The following CFAP221 variants were observed in gnomAD, a reference collection of about 807,000 sequenced individuals.
The protein encoded by CFAP221 is cilia- and flagella-associated protein 221.
In CFAP221, 97 loss-of-function variants were observed where a neutral mutation model predicts 113.1. That is an observed-to-expected ratio of 0.86 (90% CI 0.73 to 1.02). The LOEUF is 1.02. Ranked by LOEUF, CFAP221 falls within the 50% of genes least tolerant of loss-of-function variation. The pLI, the probability that CFAP221 is intolerant of heterozygous loss-of-function variation, is 0.00. For synonymous variants in CFAP221, 331 were observed against 354.4 expected, an observed-to-expected ratio of 0.93 and a Z score of 0.74; for missense variants, 1,025 against 1,013.4, an observed-to-expected ratio of 1.01 and a Z score of -0.16.
chr2:119,562,405 C>T (rs1681319661), intron 6 of CFAP221, among the ~76,000 whole-genome samples: 1 of 152,122 alleles, frequency 6.6e-6, no homozygotes, highest in African/African-American at 2.4e-5. Flanking sequence ...TTGCAGGAGC[C>T]TGACTCTCCC....
chr2:119,647,142 G>A, intron 22 of CFAP221, 92 bp downstream of exon 22: 1 of 933,626 alleles, frequency 1.1e-6, no homozygotes, highest in South Asian at 1.5e-5. Context: ...ATAGCACACA[G>A]TTCCTGAGCT....
intron 6 of CFAP221, among the ~76,000 whole-genome samples, chr2:119,571,336 C>T (rs1200963549): frequency 6.6e-6 from 1 of 151,880 alleles, no homozygotes; most frequent in Non-Finnish European, 1.5e-5. Context: ...GACGGGGTTT[C>T]GCCCTGTTGG....
chr2:119,644,288 C>G (rs1687669432), intron 21 of CFAP221, among the ~76,000 whole-genome samples: 1 of 152,140 alleles, frequency 6.6e-6, no homozygotes, highest in Non-Finnish European at 1.5e-5. Flanking sequence ...GTGAGAGGAA[C>G]TGGTCTCAGA....
intron 3 of CFAP221, among the ~76,000 whole-genome samples, chr2:119,558,576 C>G (rs952236800): frequency 2.0e-5 from 3 of 152,098 alleles, no homozygotes; most frequent in Non-Finnish European, 4.4e-5. Context: ...CCAGCACTTT[C>G]AGAGGCCAAC....
intron 23 of CFAP221, among the ~76,000 whole-genome samples, chr2:119,653,651 A>G (rs1688260784): frequency 6.6e-6 from 1 of 152,230 alleles, no homozygotes; most frequent in South Asian, 2.1e-4. Context: ...TTTCAAACTT[A>G]TCAGACTGTT....
At chr2:119,557,780 C>G (rs1680919259) in intron 3 of CFAP221, among the ~76,000 whole-genome samples, 1 of 152,054 alleles carries the variant, frequency 6.6e-6, no homozygotes, top group Non-Finnish European at 1.5e-5. Flanking sequence ...GTGGGTGGAT[C>G]ATGAGGTCAG....
intron 6 of CFAP221, 29 bp downstream of exon 6, chr2:119,562,143 A>G: frequency 2.8e-6 from 4 of 1,439,186 alleles, no homozygotes; most frequent in Non-Finnish European, 3.8e-6. Context: ...AACAAAATGT[A>G]TAGGATGTGA....
intron 7 of CFAP221, among the ~76,000 whole-genome samples, chr2:119,593,790 A>T (rs1683759250): frequency 6.6e-6 from 1 of 151,840 alleles, no homozygotes; most frequent in Non-Finnish European, 1.5e-5. Flanking sequence ...GTGAGCTGAG[A>T]TGGCACCACT....
downstream of CFAP221, among the ~76,000 whole-genome samples, chr2:119,659,826 G>C (rs1253371244): frequency 2.0e-5 from 3 of 152,142 alleles, no homozygotes; most frequent in Non-Finnish European, 4.4e-5. Context: ...CTTGGCCCCT[G>C]TACTGACCTC....
chr2:119,617,556 G>A (rs1685613541), intron 14 of CFAP221, among the ~76,000 whole-genome samples: 1 of 152,236 alleles, frequency 6.6e-6, no homozygotes, highest in Admixed American at 6.5e-5. Context: ...CAGCAATGAT[G>A]GGCTTTGTTC....
intron 5 of CFAP221, among the ~76,000 whole-genome samples, chr2:119,560,402 A>T (rs1394467127): frequency 6.6e-6 from 1 of 152,202 alleles, no homozygotes; most frequent in Admixed American, 6.5e-5. Flanking sequence ...CCAAGTTATG[A>T]TTATAAACAC....
At position 119,630,619 on chromosome 2, in the gene CFAP221, A is replaced by G. The variant is rs1464571801; in HGVS notation, c.1781A>G (p.Lys594Arg). 3 of 1,614,060 alleles carry G rather than the reference A, an allele frequency of 1.9e-6. No individual in the cohort carries two copies. The highest frequency in any genetic ancestry group is 2.2e-5 in the East Asian group (1 of 44,894). The change falls in exon 18 of 24, where the codon AAG becomes AGG. Residue 594 changes from lysine (K) to arginine (R), a missense_variant. Lys to Arg is a conservative substitution (Grantham distance 26, BLOSUM62 2). Coordinates refer to ENST00000413369, the MANE Select transcript of CFAP221 (RefSeq NM_001271049.2). ...IKRYQPFSVH[K>R]SSTSYRPQKL... ...AGATATCAGCCATTCTCTGTCCACAAGTCTTCAACAAGTTACAGACCTCAA... is the reference window on the plus strand; with the variant it reads ...AGATATCAGCCATTCTCTGTCCACAGGTCTTCAACAAGTTACAGACCTCAA...
At chr2:119,597,124 G>A (rs1684037079) in intron 7 of CFAP221, among the ~76,000 whole-genome samples, 1 of 152,210 alleles carries the variant, frequency 6.6e-6, no homozygotes, top group Admixed American at 6.5e-5. Flanking sequence ...TAAGGATTGA[G>A]AAGGCCACAT....
chr2:119,596,662 GGAGGGAGAAA>G (rs1464455050), intron 7 of CFAP221, among the ~76,000 whole-genome samples: 1 of 152,242 alleles, frequency 6.6e-6, no homozygotes, highest in Non-Finnish European at 1.5e-5. Context: ...AAAGCTTGCG[GGAGGGAGAAA>G]GGAATAAAAG....
intron 19 of CFAP221, among the ~76,000 whole-genome samples, chr2:119,632,366 C>T (rs561421272): frequency 1.3e-5 from 2 of 152,282 alleles, no homozygotes; most frequent in East Asian, 3.9e-4. Flanking sequence ...ATTACAAACT[C>T]ACTGTAGTTT....
intron 14 of CFAP221, among the ~76,000 whole-genome samples, chr2:119,620,168 C>G (rs1685804411): frequency 6.6e-6 from 1 of 152,272 alleles, no homozygotes; most frequent in Middle Eastern, 3.4e-3. Context: ...AAACACTCTT[C>G]AGGATATTAT....
At chr2:119,555,299 C>T (rs897471069) in intron 3 of CFAP221, among the ~76,000 whole-genome samples, 1 of 152,046 alleles carries the variant, frequency 6.6e-6, no homozygotes. Context: ...AAGGTCAGCT[C>T]CCAGGGGAAC....
intron 22 of CFAP221, chr2:119,648,671 T>A (rs1687952574): frequency 6.4e-6 from 1 of 156,010 alleles, no homozygotes; most frequent in Non-Finnish European, 1.5e-5. Context: ...TAAGTCTCAC[T>A]TATAACTCAG....
rs144224165 is a variant in CFAP221, at chr2:119,592,207, T to G, written c.631+4985T>G. Among the ~76,000 whole-genome samples the G allele has an allele frequency of 2.5e-3, 386 of 152,304 alleles. 2 individuals carry two copies. The highest frequency in any genetic ancestry group is 8.9e-3 in the African/African-American group (370 of 41,548). On this transcript the variant is annotated intron_variant, in intron 7 of 23. Transcript: ENST00000413369. Reference sequence around the variant, plus strand: ...AAACTACAAGAAAACTTGGATCATATGATATGTAAAAATGATGTTACTTGA... The same window carrying G: ...AAACTACAAGAAAACTTGGATCATAGGATATGTAAAAATGATGTTACTTGA...
Sources: gnomAD v4.1 joint callset for allele counts (sites outside exome capture counted in the v4.1 genomes callset) on GRCh38, gnomAD v4.1.1 for gene constraint, MANE v1.5 for transcripts, NCBI Gene and HGNC (gene_info 2026-07-23, HGNC 2026-07-21) for gene names.